CAB39: variants seen among roughly 807,000 people sequenced by gnomAD.
CAB39 encodes the protein calcium-binding protein 39.
Under a neutral mutation model 40.0 loss-of-function variants are expected in CAB39, and 8 were observed. The observed-to-expected ratio is 0.20, with a 90% confidence interval of 0.12 to 0.36. The LOEUF is 0.36. Ranked by LOEUF, CAB39 falls within the 10% of genes least tolerant of loss-of-function variation. CAB39 has a pLI of 1.00. For missense variants in CAB39, 270 were observed against 401.1 expected, an observed-to-expected ratio of 0.67 and a Z score of 2.79; for synonymous variants, 156 against 141.6, an observed-to-expected ratio of 1.10 and a Z score of -0.72.
At chr2:230,789,206 C>G (rs1695849950) in intron 2 of CAB39, among the ~76,000 whole-genome samples, 1 of 152,124 alleles carries the variant, frequency 6.6e-6, no homozygotes, top group Non-Finnish European at 1.5e-5. Context: ...AGTTTTATTT[C>G]TAAGTGTTTC....
intron 5 of CAB39, among the ~76,000 whole-genome samples, chr2:230,805,664 C>T (rs1306035202): frequency 3.9e-5 from 6 of 152,244 alleles, no homozygotes; most frequent in African/African-American, 1.2e-4. Flanking sequence ...TAAACATTAG[C>T]TGTTAGAATT....
chr2:230,773,712 G>A (rs937368337), intron 2 of CAB39, among the ~76,000 whole-genome samples: 5 of 152,198 alleles, frequency 3.3e-5, no homozygotes, highest in East Asian at 1.9e-4. Flanking sequence ...GTTGTAGGGC[G>A]GATTTGCTCT....
rs374971146 is a variant in CAB39 at position 230,765,369 on chromosome 2, A to G, written c.114+5254A>G. Among the ~76,000 whole-genome samples the G allele has an allele frequency of 2.6e-5, 4 of 152,210 alleles. No individual in the cohort carries two copies. The East Asian group carries it at 7.7e-4, about 29-fold the overall frequency. On this transcript the variant is annotated intron_variant, in intron 2 of 8. Coordinates refer to ENST00000258418, the MANE Select transcript of CAB39 (RefSeq NM_016289.4). The stretch of plus-strand genomic sequence containing the variant: ...ATGATGGTGTCAGCACCATCAGTAT[A>G]AATAGCAATACAGAGGGAGGAAGCA...
intron 3 of CAB39, 32 bp from the exon 4 acceptor site, chr2:230,793,181 G>T: frequency 7.9e-7 from 1 of 1,272,424 alleles, no homozygotes; most frequent in Non-Finnish European, 1.1e-6. Flanking sequence ...TGTTTGGTCA[G>T]GAAAATGTGT....
At position 230,748,965 on chromosome 2, in the gene CAB39, C is replaced by T. The variant is rs1695037693; in HGVS notation, c.-43-10994C>T. 6.3e-5 allele frequency among the ~76,000 whole-genome samples: 9 copies of T among 143,824 alleles called. No homozygotes were observed. In the South Asian group the frequency reaches 2.0e-3, roughly 31 times the overall value. The allele number at this position is 143,824 out of a possible 152,430, so 94.4% of individuals were successfully genotyped here. A position where few individuals can be genotyped will look rare whatever the true frequency, so the allele number is the denominator to read the frequency against. On this transcript the variant is annotated intron_variant, in intron 1 of 8. Coordinates refer to ENST00000258418, the MANE Select transcript of CAB39 (RefSeq NM_016289.4). ...CTATATGGTTATCCTGAAATATAGTCTATACAGAAAAAGGCAGGATAAATG... is the reference window on the plus strand; with the variant it reads ...CTATATGGTTATCCTGAAATATAGTTTATACAGAAAAAGGCAGGATAAATG...
At chr2:230,806,165 C>G (rs1343597740) in intron 5 of CAB39, among the ~76,000 whole-genome samples, 1 of 152,070 alleles carries the variant, frequency 6.6e-6, no homozygotes, top group African/African-American at 2.4e-5. Flanking sequence ...AATTTCATAT[C>G]ATACTCAACC....
intron 1 of CAB39, among the ~76,000 whole-genome samples, chr2:230,758,853 G>C (rs1227432614): frequency 1.3e-5 from 2 of 152,144 alleles, no homozygotes; most frequent in Admixed American, 6.5e-5. Flanking sequence ...TGTCTGATAG[G>C]AGACTGTTTA....
At chr2:230,804,095 C>T (rs1342224096) in intron 5 of CAB39, among the ~76,000 whole-genome samples, 1 of 152,172 alleles carries the variant, frequency 6.6e-6, no homozygotes, top group Non-Finnish European at 1.5e-5. Flanking sequence ...AATAACACCG[C>T]ACACCTACAA....
At chr2:230,732,156 A>C (rs1441040114) in intron 1 of CAB39, among the ~76,000 whole-genome samples, 1 of 151,136 alleles carries the variant, frequency 6.6e-6, no homozygotes, top group Non-Finnish European at 1.5e-5. Context: ...ATCTTGGCTC[A>C]CTGCAAGCTC....
intron 1 of CAB39, among the ~76,000 whole-genome samples, chr2:230,720,896 T>G (rs1694438607): frequency 6.6e-6 from 1 of 152,346 alleles, no homozygotes; most frequent in South Asian, 2.1e-4. Flanking sequence ...GTAGATACTC[T>G]TTTGGCTCCC....
intron 5 of CAB39, among the ~76,000 whole-genome samples, chr2:230,800,087 C>G (rs1422460385): frequency 6.6e-6 from 1 of 152,028 alleles, no homozygotes; most frequent in Non-Finnish European, 1.5e-5. Flanking sequence ...TGCAGACGAC[C>G]ATGCTCAGAA....
intron 5 of CAB39, among the ~76,000 whole-genome samples, chr2:230,803,855 A>G (rs1696139453): frequency 6.6e-6 from 1 of 152,250 alleles, no homozygotes; most frequent in Non-Finnish European, 1.5e-5. Context: ...TGCCATTCCC[A>G]TCAAGCTACC....
In CAB39 at chr2:230,759,982, A is replaced by T. The variant is rs964838444; in HGVS notation, c.-20A>T. 2 of 1,384,836 alleles carry T rather than the reference A, an allele frequency of 1.4e-6. No individual in the cohort carries two copies. Among genetic ancestry groups the T allele is most frequent in the South Asian group, 2.3e-5 (2 of 86,292 alleles). 85.8% of individuals were successfully genotyped at this position (1,384,836 alleles called of 1,614,324 possible). On this transcript the variant is annotated 5_prime_UTR_variant, in exon 2 of 9. Transcript: ENST00000258418. ...AGGTAGCACAGGCGGAGTGCAGCGG[A>T]GGCCCCTGCCGCTGCCGTCATGCCG...
chr2:230,721,559 A>G (rs1215396303), intron 1 of CAB39, among the ~76,000 whole-genome samples: 2 of 152,208 alleles, frequency 1.3e-5, no homozygotes, highest in African/African-American at 4.8e-5. Flanking sequence ...ATACCATGAT[A>G]ATTGAAGGTT....
intron 7 of CAB39, among the ~76,000 whole-genome samples, chr2:230,814,484 C>T (rs1439311972): frequency 2.6e-5 from 4 of 152,000 alleles, no homozygotes; most frequent in Admixed American, 1.3e-4. Context: ...TGGAGGGAGG[C>T]GATGTGCGTG....
At chr2:230,717,276 G>A (rs772487287) in intron 1 of CAB39, among the ~76,000 whole-genome samples, 11 of 152,174 alleles carry the variant, frequency 7.2e-5, no homozygotes, top group Non-Finnish European at 1.5e-4. Context: ...GCATTATTAT[G>A]AAGTCAGGTA....
Position 230,793,296 on chromosome 2 carries a change from C to T in CAB39, c.363C>T (p.Cys121=). The change falls in exon 4 of 9, where the codon TGC becomes TGT. Residue 121 remains cysteine (C), a synonymous_variant. Coordinates refer to ENST00000258418, the MANE Select transcript of CAB39 (RefSeq NM_016289.4). ...GTRTPTVEYI[C]TQQNILFMLL... is the part of the protein sequence containing the mutation. ...GAACTCCTACTGTTGAATACATCTG[C>T]ACCCAACAGAATATTTTGTTCATGT... 1 of 1,600,524 alleles carries T rather than the reference C, an allele frequency of 6.2e-7. No individual in the cohort carries two copies. Among genetic ancestry groups the T allele is most frequent in the Non-Finnish European group, 8.6e-7 (1 of 1,168,664 alleles).
At chr2:230,748,833 T>TATAA (rs1695032702) in intron 1 of CAB39, among the ~76,000 whole-genome samples, 2 of 27,808 alleles carry the variant, frequency 7.2e-5, no homozygotes, top group African/African-American at 4.4e-4. Context: ...AAAAAAAAAA[T>TATAA]ATATATATAT....
At chr2:230,809,473 T>A (rs1696267430) in intron 5 of CAB39, among the ~76,000 whole-genome samples, 1 of 152,202 alleles carries the variant, frequency 6.6e-6, no homozygotes, top group Non-Finnish European at 1.5e-5. Context: ...TGTCACTTGT[T>A]CCCATTCTCT....
Sources: allele counts gnomAD v4.1 joint callset (sites outside exome capture counted in the v4.1 genomes callset), GRCh38; gene constraint gnomAD v4.1.1; transcripts MANE v1.5; gene names NCBI Gene and HGNC (gene_info 2026-07-23, HGNC 2026-07-21).